The following RSU1 variants were observed in gnomAD, a reference collection of about 807,000 sequenced individuals.
RSU1 encodes Ras suppressor protein 1.
RSU1 carries 26 observed loss-of-function variants against 31.1 expected under a neutral mutation model. The ratio of observed to expected loss-of-function variants is 0.84; its 90% CI spans 0.61 to 1.16. RSU1 has a LOEUF of 1.16. Ranked by LOEUF, RSU1 falls within the 50% of genes most tolerant of loss-of-function variation. The probability of loss-of-function intolerance (pLI) is 0.00; values close to 1 mark genes in which losing one functional copy is unlikely to be tolerated. For synonymous variants in RSU1, 164 were observed against 136.3 expected (o/e 1.20, Z -1.41); for missense variants, 320 against 339.1 (o/e 0.94, Z 0.44).
At chr10:16,761,541 G>A (rs77813011) in intron 4 of RSU1, among the ~76,000 whole-genome samples, 1,797 of 152,242 alleles carry the variant, frequency 0.012, 36 homozygotes, top group East Asian at 0.065. Flanking sequence ...GCCCCAGGCA[G>A]GCAGTGCTGT....
Position 16,695,159 on chromosome 10 carries a change from G to GGGC in RSU1, c.599-5_599-4insGCC, listed in dbSNP as rs1554767087. The stretch of plus-strand genomic sequence containing the variant: ...TGGCCAGTTAAATCCAAGTTTCCTG[G>GGGC]GGGGGGGGAAAAAAAAAGTGAAGGT... On this transcript the variant is annotated splice_polypyrimidine_tract_variant and splice_region_variant and intron_variant, in intron 7 of 8. Transcript: ENST00000345264. 1.1e-5 allele frequency: 15 copies of GGGC among 1,310,302 alleles called. No homozygotes were observed. The highest frequency in any genetic ancestry group is 4.6e-5 in the Admixed American group (2 of 43,168). The allele number at this position is 1,310,302 out of a possible 1,614,324, so 81.2% of individuals were successfully genotyped here.
chr10:16,591,977 G>T lies in RSU1; in HGVS notation c.*1417C>A, dbSNP rs1833513498. The T allele has an allele frequency of 6.6e-6, 1 of 151,816 alleles. No homozygotes were observed. Among genetic ancestry groups the T allele is most frequent in the African/African-American group, 2.4e-5 (1 of 41,110 alleles). The allele number at this position is 151,816 out of a possible 1,614,324, so 9.4% of individuals were successfully genotyped here. ...TGTTCTATCAGGAATTTGTCTAGAA[G>T]CCAGAAGTTTAGACCTTGCTCTGTG... is the stretch of plus-strand genomic sequence containing the variant. On this transcript the variant is annotated 3_prime_UTR_variant, in exon 9 of 9. Transcript: ENST00000345264.
At chr10:16,601,276 C>G (rs1250668088) in intron 8 of RSU1, among the ~76,000 whole-genome samples, 5 of 152,152 alleles carry the variant, frequency 3.3e-5, no homozygotes, top group African/African-American at 1.2e-4. Flanking sequence ...ACATTCTCCT[C>G]TTTTTGTTTT....
chr10:16,762,959 G>T (rs972739131), intron 4 of RSU1, among the ~76,000 whole-genome samples: 2 of 150,248 alleles, frequency 1.3e-5, no homozygotes, highest in African/African-American at 5.0e-5. Flanking sequence ...GCTGCAGCTA[G>T]CCCAGATCGC....
chr10:16,694,668 T>A (rs1255594330), intron 8 of RSU1, among the ~76,000 whole-genome samples: 4 of 152,166 alleles, frequency 2.6e-5, no homozygotes, highest in African/African-American at 9.7e-5. Context: ...TGTCCTGGGC[T>A]CAAGTGATCC....
chr10:16,730,628 T>C (rs1345174217), intron 7 of RSU1, among the ~76,000 whole-genome samples: 2 of 152,220 alleles, frequency 1.3e-5, no homozygotes, highest in Non-Finnish European at 2.9e-5. Context: ...TGGGGGGTTT[T>C]TTGGTGCAGC....
chr10:16,779,403 C>A (rs534370105), intron 3 of RSU1, among the ~76,000 whole-genome samples: 7 of 152,284 alleles, frequency 4.6e-5, no homozygotes, highest in African/African-American at 1.7e-4. Context: ...AAGGCCAAAA[C>A]CACTGGCAAG....
At chr10:16,752,814 A>G in intron 6 of RSU1, 104 bp downstream of exon 6, 1 of 1,105,470 alleles carries the variant, frequency 9.0e-7, no homozygotes. Context: ...GTAGTGGTTT[A>G]TTCCCACAAA....
rs181646995 is a variant in RSU1 at position 16,780,526 on chromosome 10, G to A, written c.160+1508C>T. On this transcript the variant is annotated intron_variant, in intron 3 of 8. Transcript: ENST00000345264. ...CCTAAGTGCTGGGATTACAGGCATC[G>A]GTCACTGATCCTGGCCAGTTTTGCT... Among the ~76,000 whole-genome samples, 377 of 152,240 alleles carry A rather than the reference G, an allele frequency of 2.5e-3. 2 individuals are homozygous for A. Among genetic ancestry groups the A allele is most frequent in the African/African-American group, 8.2e-3 (342 of 41,526 alleles).
chr10:16,685,503 G>C lies in RSU1; in HGVS notation c.731+9520C>G, dbSNP rs1298717155. ...TTTCTTGATGATATGCTAAACAAGC[G>C]GTGGATTATTCATTCCTCTCCTTTC... is the stretch of plus-strand genomic sequence containing the variant. On this transcript the variant is annotated intron_variant, in intron 8 of 8. Transcript: ENST00000345264. Among the ~76,000 whole-genome samples the C allele has an allele frequency of 2.6e-5, 4 of 152,254 alleles. No homozygotes were observed. In the East Asian group the frequency reaches 7.7e-4, roughly 29 times the overall value.
intron 4 of RSU1, among the ~76,000 whole-genome samples, chr10:16,758,545 G>A (rs919737903): frequency 7.9e-5 from 12 of 152,176 alleles, no homozygotes; most frequent in African/African-American, 2.7e-4. Flanking sequence ...TGCTAGCTGC[G>A]TGACCTTCAC....
intron 7 of RSU1, among the ~76,000 whole-genome samples, chr10:16,749,711 A>G (rs1475455714): frequency 6.6e-6 from 1 of 152,174 alleles, no homozygotes; most frequent in African/African-American, 2.4e-5. Flanking sequence ...AAGGGCCAGC[A>G]ATTTGTCTTG....
intron 8 of RSU1, among the ~76,000 whole-genome samples, chr10:16,645,038 A>G (rs1034199050): frequency 6.6e-6 from 1 of 152,170 alleles, no homozygotes; most frequent in African/African-American, 2.4e-5. Flanking sequence ...AAAGGGGGGA[A>G]AAAGCAGTCT....
At chr10:16,791,022 A>G (rs1837901887) in intron 2 of RSU1, among the ~76,000 whole-genome samples, 1 of 152,176 alleles carries the variant, frequency 6.6e-6, no homozygotes, top group African/African-American at 2.4e-5. Context: ...ATAACATGGA[A>G]GGAGTGGTCA....
chr10:16,760,246 A>C (rs1837179789), intron 4 of RSU1, among the ~76,000 whole-genome samples: 1 of 152,260 alleles, frequency 6.6e-6, no homozygotes, highest in African/African-American at 2.4e-5. Context: ...GCAGTGGCTC[A>C]TGCCTGTAAT....
rs770924888 is a variant in RSU1, at chr10:16,695,170, A to ATGGG, written c.599-16_599-15insCCCA. Reference sequence around the variant, plus strand: ...ATCCAAGTTTCCTGGGGGGGGGGAAAAAAAAAGTGAAGGTCACTTCATCCA... The same window carrying ATGGG: ...ATCCAAGTTTCCTGGGGGGGGGGAAATGGGAAAAAAGTGAAGGTCACTTCATCCA... On this transcript the variant is annotated splice_polypyrimidine_tract_variant and intron_variant, in intron 7 of 8. Transcript: ENST00000345264. 7.4e-7 allele frequency: 1 copy of ATGGG among 1,354,624 alleles called. No individual in the cohort carries two copies. The highest frequency in any genetic ancestry group is 1.0e-6 in the Non-Finnish European group (1 of 982,080). 83.9% of individuals were successfully genotyped at this position (1,354,624 alleles called of 1,614,324 possible).
intron 8 of RSU1, among the ~76,000 whole-genome samples, chr10:16,649,660 A>G (rs1447184875): frequency 6.6e-6 from 1 of 152,188 alleles, no homozygotes; most frequent in Non-Finnish European, 1.5e-5. Flanking sequence ...TAGGGGGCAC[A>G]CGGCACAACA....
intron 3 of RSU1, 25 bp downstream of exon 3, chr10:16,782,007 CTG>C (rs1837661262): frequency 6.2e-7 from 1 of 1,603,536 alleles, no homozygotes; most frequent in Non-Finnish European, 8.5e-7. Context: ...ATGTCAGAAA[CTG>C]TAACAAATGA....
chr10:16,711,163 A>G (rs1433347681), intron 7 of RSU1, among the ~76,000 whole-genome samples: 1 of 152,142 alleles, frequency 6.6e-6, no homozygotes, highest in Non-Finnish European at 1.5e-5. Flanking sequence ...CCAAGAACTT[A>G]TCTATTTCTT....
Sources: allele counts gnomAD v4.1 joint callset (sites outside exome capture counted in the v4.1 genomes callset), GRCh38; gene constraint gnomAD v4.1.1; transcripts MANE v1.5; gene names NCBI Gene and HGNC (gene_info 2026-07-23, HGNC 2026-07-21).